The following DNAH7 variants were observed in gnomAD, a reference collection of about 807,000 sequenced individuals.
DNAH7 encodes dynein axonemal heavy chain 7.
A neutral mutation model predicts 444.6 loss-of-function variants in DNAH7; 397 were observed. That is an observed-to-expected ratio of 0.89 (90% CI 0.82 to 0.97). The LOEUF (loss-of-function observed/expected upper bound fraction) is 0.97. DNAH7 is among the 50% of genes least tolerant of loss of function. DNAH7 has a pLI of 0.00. For synonymous variants in DNAH7, 1,636 were observed against 1,624.4 expected (o/e 1.01, Z -0.17); for missense variants, 4,902 against 4,800.8 (o/e 1.02, Z -0.62).
chr2:195,834,381 G>A (rs747744681), intron 47 of DNAH7, 21 bp from the exon 48 acceptor site: 88 of 1,575,966 alleles, frequency 5.6e-5, no homozygotes, highest in Non-Finnish European at 7.1e-5. Context: ...GGAGAAAGAC[G>A]ATGCTGGTCA....
chr2:195,856,263 T>C (rs1287629788), intron 44 of DNAH7, among the ~76,000 whole-genome samples: 1 of 152,200 alleles, frequency 6.6e-6, no homozygotes, highest in Admixed American at 6.5e-5. Context: ...GAGAGTAGGA[T>C]AGTCATGTAG....
chr2:195,929,123 A>G (rs1574798873), intron 21 of DNAH7, among the ~76,000 whole-genome samples: 1 of 152,318 alleles, frequency 6.6e-6, no homozygotes, highest in East Asian at 1.9e-4. Context: ...CCCATTCACA[A>G]CAGCCACAGA....
rs771117568 is a variant in DNAH7 at position 195,794,369 on chromosome 2, T to C, written c.10685A>G (p.Asp3562Gly). 1.2e-6 allele frequency: 2 copies of C among 1,614,078 alleles called. No homozygotes were observed. Among genetic ancestry groups the C allele is most frequent in the Admixed American group, 3.3e-5 (2 of 60,010 alleles). Residue 3562 changes from aspartate to glycine, a missense_variant, in exon 57 of 65, where the codon GAT (aspartate) becomes GGT (glycine). Physicochemically the swap from Asp to Gly is moderately conservative, Grantham distance 94. Transcript: ENST00000312428. ...TTTGCAGCTGCCAAAGAACTCCGGA[T>C]CAGAGATCGGGTCCATGAGGTATGA... ...IRSYLMDPIS[D>G]PEFFGSCKKP...
chr2:195,944,694 T>C (rs1162633255), intron 19 of DNAH7, among the ~76,000 whole-genome samples: 6 of 152,184 alleles, frequency 3.9e-5, no homozygotes, highest in African/African-American at 1.2e-4. Context: ...TGGTGACCTA[T>C]TGAATCAGAT....
intron 6 of DNAH7, 143 bp from the exon 7 acceptor site, chr2:196,027,083 G>C: frequency 1.7e-6 from 1 of 591,430 alleles, no homozygotes; most frequent in Non-Finnish European, 2.8e-6. Context: ...ATTCACATAG[G>C]TATTATTTGA....
At chr2:195,791,349 C>T (rs1353040624) in intron 57 of DNAH7, among the ~76,000 whole-genome samples, 1 of 150,152 alleles carries the variant, frequency 6.7e-6, no homozygotes, top group African/African-American at 2.5e-5. Flanking sequence ...CGCCTGTAGT[C>T]CCAGCTACTC....
At chr2:196,020,420 A>C (rs1448952566) in intron 8 of DNAH7, among the ~76,000 whole-genome samples, 1 of 152,148 alleles carries the variant, frequency 6.6e-6, no homozygotes, top group Non-Finnish European at 1.5e-5. Context: ...GAATATATTT[A>C]AACATTTACA....
intron 63 of DNAH7, among the ~76,000 whole-genome samples, chr2:195,743,413 A>G (rs576301808): frequency 6.6e-6 from 1 of 152,322 alleles, no homozygotes; most frequent in African/African-American, 2.4e-5. Flanking sequence ...ACAGATTTCA[A>G]ATACTAAAAA....
In DNAH7 at chr2:195,888,102, A is replaced by G. The variant is rs559335276; in HGVS notation, c.5406+156T>C. 8.5e-5 allele frequency among the ~76,000 whole-genome samples: 13 copies of G among 152,250 alleles called. 1 individual carries two copies. Among genetic ancestry groups the G allele is most frequent in the African/African-American group, 3.1e-4 (13 of 41,540 alleles). ...TACCTCATTTGAAATATTTTTAGTG[A>G]ACTGCATGAATTCTAATCTAAATTT... On this transcript the variant is annotated intron_variant, in intron 33 of 64. Transcript: ENST00000312428.
At chr2:195,875,466 T>C (rs948198364) in intron 38 of DNAH7, among the ~76,000 whole-genome samples, 1 of 152,146 alleles carries the variant, frequency 6.6e-6, no homozygotes, top group African/African-American at 2.4e-5. Flanking sequence ...AAAAAAGTTT[T>C]GGAAGAGTTG....
At chr2:195,825,356 C>T (rs1337915359) in intron 48 of DNAH7, among the ~76,000 whole-genome samples, 1 of 151,872 alleles carries the variant, frequency 6.6e-6, no homozygotes, top group Non-Finnish European at 1.5e-5. Flanking sequence ...TTATCTTTCT[C>T]CACACATAGT....
rs778566666 is a variant in DNAH7, at chr2:195,988,180, A to G, written c.1403T>C (p.Ile468Thr). The change falls in exon 13 of 65, where the codon ATT becomes ACT. Residue 468 changes from isoleucine to threonine, a missense_variant. By Grantham distance (89) the Ile-to-Thr change is moderately conservative (BLOSUM62 -1). Coordinates refer to ENST00000312428, the MANE Select transcript of DNAH7 (RefSeq NM_018897.3). Reference sequence around the variant, plus strand: ...GATCTTTTCTTTGTGAGCATCTACAATTTCATTCAGAATTATGGGCTTCAA... The same window carrying G: ...GATCTTTTCTTTGTGAGCATCTACAGTTTCATTCAGAATTATGGGCTTCAA... ...TTLKPIILNE[I>T]VDAHKEKIKE... 6 of 1,613,140 alleles carry G rather than the reference A, an allele frequency of 3.7e-6. No individual in the cohort carries two copies. The highest frequency in any genetic ancestry group is 5.1e-6 in the Non-Finnish European group (6 of 1,179,626).
At chr2:195,812,862 A>G (rs1697035620) in intron 51 of DNAH7, among the ~76,000 whole-genome samples, 1 of 152,226 alleles carries the variant, frequency 6.6e-6, no homozygotes, top group East Asian at 1.9e-4. Flanking sequence ...AGAAAAACAG[A>G]TCATTTCTGT....
In DNAH7 at chr2:195,926,472, A is replaced by G. The variant is rs375343170; in HGVS notation, c.3566T>C (p.Ile1189Thr). 5 of 1,602,614 alleles carry G rather than the reference A, an allele frequency of 3.1e-6. No individual in the cohort carries two copies. Among genetic ancestry groups the G allele is most frequent in the Non-Finnish European group, 3.4e-6 (4 of 1,175,424 alleles). ...TGTTTGTACTTCTTTTGTCCAAAAG[A>G]TTTGGGATACACAGAGAACAGTCTG... Reference protein sequence around the residue: ...PGQTVLCVSQIFWTKEVQTAI... With the variant: ...PGQTVLCVSQTFWTKEVQTAI... Residue 1189 changes from isoleucine to threonine, a missense_variant, in exon 22 of 65, where the codon ATC (isoleucine) becomes ACC (threonine). Coordinates refer to ENST00000312428, the MANE Select transcript of DNAH7 (RefSeq NM_018897.3).
chr2:196,058,091 G>T lies in DNAH7; in HGVS notation c.41C>A (p.Ser14Tyr). The change falls in exon 2 of 65, where the codon TCC (serine) becomes TAC (tyrosine). Residue 14 changes from serine (S) to tyrosine (Y), a missense_variant. Coordinates refer to ENST00000312428, the MANE Select transcript of DNAH7 (RefSeq NM_018897.3). ...TGGTAGAAATCTTACTGGTTTCTTG[G>T]ATTTTTCTTTGCTGGCCGATTTATC... ...EQDKSASKEKSKKPVRFLPQL... is the reference protein window; with the variant it reads ...EQDKSASKEKYKKPVRFLPQL... The T allele has an allele frequency of 1.3e-6, 2 of 1,580,768 alleles. No homozygotes were observed. The highest frequency in any genetic ancestry group is 1.7e-6 in the Non-Finnish European group (2 of 1,162,716).
intron 49 of DNAH7, among the ~76,000 whole-genome samples, chr2:195,821,961 C>T (rs922403036): frequency 2.0e-5 from 3 of 152,186 alleles, no homozygotes; most frequent in Admixed American, 6.5e-5. Flanking sequence ...TCCCTCCTTC[C>T]GCCCACACCT....
chr2:195,786,909 A>C (rs1263693513), intron 58 of DNAH7, 101 bp downstream of exon 58: 3 of 1,251,670 alleles, frequency 2.4e-6, no homozygotes, highest in Non-Finnish European at 3.3e-6. Context: ...TATTCATTTC[A>C]TAAGAGTAGA....
At chr2:196,049,962 G>A (rs1012771041) in intron 3 of DNAH7, among the ~76,000 whole-genome samples, 3 of 152,102 alleles carry the variant, frequency 2.0e-5, no homozygotes, top group East Asian at 3.9e-4. Context: ...GCTATGGCTC[G>A]ATTCTGCAGG....
At chr2:195,876,983 T>C (rs1701100680) in intron 36 of DNAH7, among the ~76,000 whole-genome samples, 1 of 152,212 alleles carries the variant, frequency 6.6e-6, no homozygotes, top group African/African-American at 2.4e-5. Context: ...CCTGCCTAAG[T>C]TCTCCGAGAT....
Sources: gnomAD v4.1 joint callset for allele counts (sites outside exome capture counted in the v4.1 genomes callset) on GRCh38, gnomAD v4.1.1 for gene constraint, MANE v1.5 for transcripts, NCBI Gene and HGNC (gene_info 2026-07-23, HGNC 2026-07-21) for gene names.